The following DDX3X variants were observed in gnomAD, a reference collection of about 807,000 sequenced individuals.
DDX3X encodes DEAD-box helicase 3 X-linked.
Under a neutral mutation model 52.7 loss-of-function variants are expected in DDX3X, and 4 were observed. That is an observed-to-expected ratio of 0.08 (90% CI 0.04 to 0.17). The LOEUF is 0.17. Ranked by LOEUF, DDX3X falls within the 10% of genes least tolerant of loss-of-function variation. The pLI is 1.00. For missense variants in DDX3X, 222 were observed against 548.6 expected (o/e 0.40, Z 5.95); for synonymous variants, 192 against 178.1 (o/e 1.08, Z -0.62).
intron 2 of DDX3X, 59 bp downstream of exon 2, chrX:41,337,524 T>C (rs1483635039): frequency 2.0e-6 from 2 of 1,009,228 alleles, no homozygotes; most frequent in Non-Finnish European, 2.8e-6. Flanking sequence ...TAAGATTTCA[T>C]TGGGCTTATG....
downstream of DDX3X, chrX:41,351,548 C>A (rs1233290174): frequency 1.8e-5 from 2 of 111,572 alleles, no homozygotes; most frequent in Non-Finnish European, 3.8e-5. Flanking sequence ...CCTCACTACT[C>A]CCACAATGCA....
chrX:41,347,461 A>C lies in DDX3X; in HGVS notation c.1909+10A>C. ...AGAGGATTTGGTGGAGGTAGTGTTAATCTGTAACTTCATAGCTTTGGGAAG... is the reference window on the plus strand; with the variant it reads ...AGAGGATTTGGTGGAGGTAGTGTTACTCTGTAACTTCATAGCTTTGGGAAG... On this transcript the variant is annotated intron_variant, in intron 16 of 16. Transcript: ENST00000644876. The C allele has an allele frequency of 8.3e-7, 1 of 1,203,789 alleles. No individual in the cohort carries two copies. The highest frequency in any genetic ancestry group is 1.1e-6 in the Non-Finnish European group (1 of 892,025).
At chrX:41,363,531 C>G (rs920274173) in intron 5 of DDX3X, among the ~76,000 whole-genome samples, 1 of 110,965 alleles carries the variant, frequency 9.0e-6, no homozygotes, top group African/African-American at 3.3e-5. Context: ...CACCTGTAAT[C>G]CCAGCACTTT....
intron 5 of DDX3X, among the ~76,000 whole-genome samples, chrX:41,363,404 A>G (rs1434593130): frequency 1.8e-5 from 2 of 111,035 alleles, no homozygotes; most frequent in Non-Finnish European, 3.8e-5. Context: ...CAGTGTGGGC[A>G]ATAGAGTGAG....
intron 6 of DDX3X, 50 bp downstream of exon 6, chrX:41,342,886 C>A: frequency 9.9e-7 from 1 of 1,005,534 alleles, no homozygotes; most frequent in Non-Finnish European, 1.4e-6. Flanking sequence ...TAAATGTTTT[C>A]ATGTTACATT....
intron 6 of DDX3X, 99 bp from the exon 7 acceptor site, chrX:41,343,117 C>T: frequency 1.0e-6 from 1 of 979,235 alleles, no homozygotes; most frequent in Non-Finnish European, 1.4e-6. Context: ...AAACTATAAA[C>T]TGAGTTACCA....
chrX:41,347,407 G>A lies in DDX3X; in HGVS notation c.1865G>A (p.Arg622His), dbSNP rs901961447. Residue 622 changes from arginine to histidine, a missense_variant, in exon 16 of 17, where the codon CGC (arginine) becomes CAC (histidine). Coordinates refer to ENST00000644876, the MANE Select transcript of DDX3X (RefSeq NM_001356.5). ...SFSSSRASSSRSGGGGHGSSR... is the reference protein window; with the variant it reads ...SFSSSRASSSHSGGGGHGSSR... ...AGCAGCAGCCGCGCAAGCAGCAGCC[G>A]CAGTGGCGGAGGTGGCCACGGTAGC... 3.3e-6 allele frequency: 4 copies of A among 1,211,574 alleles called. No homozygotes were observed. Among genetic ancestry groups the A allele is most frequent in the Admixed American group, 2.2e-5 (1 of 46,008 alleles).
At position 41,343,258 on chromosome X, in the gene DDX3X, G is replaced by A. The variant is rs375996245; in HGVS notation, c.586G>A (p.Glu196Lys). Residue 196 changes from glutamate (E) to lysine (K), a missense_variant, in exon 7 of 17, where the codon GAG (glutamate) becomes AAG (lysine). Transcript: ENST00000644876. The stretch of plus-strand genomic sequence containing the variant: ...GGGAGAAATTATCATGGGAAACATT[G>A]AGCTTACTCGTTATACTCGCCCAAC... ...EMGEIIMGNI[E>K]LTRYTRPTPV... 8.3e-7 allele frequency: 1 copy of A among 1,204,655 alleles called. No individual in the cohort carries two copies. Among genetic ancestry groups the A allele is most frequent in the Non-Finnish European group, 1.1e-6 (1 of 893,148 alleles).
intron 13 of DDX3X, 42 bp downstream of exon 13, chrX:41,346,452 C>G (rs1331979642): frequency 6.7e-6 from 8 of 1,194,704 alleles, no homozygotes; most frequent in East Asian, 3.0e-5. Flanking sequence ...TGAGCATGTT[C>G]AAGTATTTGT....
intron 1 of DDX3X, among the ~76,000 whole-genome samples, chrX:41,336,961 A>T (rs922243566): frequency 8.9e-6 from 1 of 112,244 alleles, no homozygotes; most frequent in African/African-American, 3.2e-5. Context: ...TTTTAGGTTT[A>T]AAATATCAAG....
chrX:41,356,499 G>GC (rs2064009870), intron 5 of DDX3X, among the ~76,000 whole-genome samples: 2 of 73,822 alleles, frequency 2.7e-5, no homozygotes, highest in South Asian at 1.5e-3. Context: ...TCACTCTGTT[G>GC]CCAGGCTGGA....
Position 41,346,282 on chromosome X carries a change from C to T in DDX3X, c.1369C>T (p.Leu457=), listed in dbSNP as rs1232530663. 3.3e-6 allele frequency: 4 copies of T among 1,208,869 alleles called. No individual in the cohort carries two copies. Among genetic ancestry groups the T allele is most frequent in the Non-Finnish European group, 4.5e-6 (4 of 894,720 alleles). Residue 457 remains leucine, a synonymous_variant, in exon 13 of 17, where the codon CTG becomes TTG. Transcript: ENST00000644876. Reference sequence around the variant, plus strand: ...GGAGACCAAAAAGGGTGCAGATTCTCTGGAGGATTTCTTATACCATGAAGG... The same window carrying T: ...GGAGACCAAAAAGGGTGCAGATTCTTTGGAGGATTTCTTATACCATGAAGG... The part of the protein sequence containing the change: ...FVETKKGADS[L]EDFLYHEGYA...
chrX:41,346,626 A>G lies in DDX3X; in HGVS notation c.1615+4A>G. ...ACGGGACGTGTAGGAAACCTTGGTAAGTATTTGATTACTTGATGGTTTCAT... is the reference window on the plus strand; with the variant it reads ...ACGGGACGTGTAGGAAACCTTGGTAGGTATTTGATTACTTGATGGTTTCAT... On this transcript the variant is annotated splice_donor_region_variant and intron_variant, in intron 14 of 16. Coordinates refer to ENST00000644876, the MANE Select transcript of DDX3X (RefSeq NM_001356.5). 8.6e-7 allele frequency: 1 copy of G among 1,159,290 alleles called. No homozygotes were observed. Among genetic ancestry groups the G allele is most frequent in the Non-Finnish European group, 1.2e-6 (1 of 852,452 alleles).
chrX:41,351,511 T>G (rs1045867514), downstream of DDX3X: 1 of 111,489 alleles, frequency 9.0e-6, no homozygotes, highest in Non-Finnish European at 1.9e-5. Flanking sequence ...GCTTGCTCTT[T>G]AGAGCACAGT....
Position 41,334,803 on chromosome X carries a change from G to A in DDX3X, c.45+506G>A, listed in dbSNP as rs752082583. On this transcript the variant is annotated intron_variant, in intron 1 of 16. Coordinates refer to ENST00000644876, the MANE Select transcript of DDX3X (RefSeq NM_001356.5). ...CGGCCCAGGAATGTGGGAGGGGGCG[G>A]CCTTCGCTCGGGGTAATGGCGGCGG... 156 of 909,130 alleles carry A rather than the reference G, an allele frequency of 1.7e-4. No homozygotes were observed. In the African/African-American group the frequency reaches 3.0e-3, roughly 17 times the overall value. 74.9% of individuals were successfully genotyped at this position (909,130 alleles called of 1,213,427 possible).
chrX:41,337,750 T>C (rs1054330926), intron 2 of DDX3X: 4 of 201,440 alleles, frequency 2.0e-5, no homozygotes, highest in Non-Finnish European at 3.5e-5. Context: ...GTTCAAGCGA[T>C]TCTCCTGCCT....
At chrX:41,347,129 C>T (rs1017972723) in intron 15 of DDX3X, 117 bp downstream of exon 15, 8 of 939,004 alleles carry the variant, frequency 8.5e-6, no homozygotes, top group South Asian at 4.9e-5. Flanking sequence ...GCTTAATCAT[C>T]TTAGGCTTCC....
chrX:41,345,614 C>A, intron 12 of DDX3X, 66 bp downstream of exon 12: 1 of 950,695 alleles, frequency 1.1e-6, no homozygotes, highest in Non-Finnish European at 1.5e-6. Context: ...GGCTGGAGTG[C>A]AGGGGTTATT....
At chrX:41,356,393 T>A (rs751553327) in intron 5 of DDX3X, among the ~76,000 whole-genome samples, 1 of 109,218 alleles carries the variant, frequency 9.2e-6, no homozygotes, top group South Asian at 3.9e-4. Flanking sequence ...GTGATCCACC[T>A]GCCTTGGCCT....
Sources: gnomAD v4.1 joint callset for allele counts (sites outside exome capture counted in the v4.1 genomes callset) on GRCh38, gnomAD v4.1.1 for gene constraint, MANE v1.5 for transcripts, NCBI Gene and HGNC (gene_info 2026-07-23, HGNC 2026-07-21) for gene names.